ABHD8: variants seen among roughly 807,000 people sequenced by gnomAD.
ABHD8 encodes the protein protein ABHD8.
A neutral mutation model predicts 29.3 loss-of-function variants in ABHD8; 10 were observed. The ratio of observed to expected loss-of-function variants is 0.34; its 90% confidence interval spans 0.21 to 0.58. ABHD8 has a LOEUF of 0.58. ABHD8 is among the 20% of genes least tolerant of loss of function. ABHD8 has a pLI of 0.85. For missense variants in ABHD8, 556 were observed against 615.3 expected (o/e 0.90, Z 1.02); for synonymous variants, 282 against 274.6 (o/e 1.03, Z -0.27).
chr19:17,294,844 C>T lies in ABHD8; in HGVS notation c.763G>A (p.Val255Ile). 1.2e-6 allele frequency: 2 copies of T among 1,613,636 alleles called. No individual in the cohort carries two copies. The highest frequency in any genetic ancestry group is 1.7e-6 in the Non-Finnish European group (2 of 1,179,602). ...RNVLIGHSYGVSFCTFLAHEY... is the reference protein window; with the variant it reads ...RNVLIGHSYGISFCTFLAHEY... ...TGTGCCAGGAATGTGCAGAAAGAGA[C>T]ACTGCCCGGAACGGGTGGGGTGATA... The change falls in exon 3 of 5, where the codon GTC becomes ATC. Residue 255 changes from valine to isoleucine, a missense_variant and splice_region_variant. Around this residue, in one of 2 missense-constraint regions of ABHD8, gnomAD observed 270 missense variants for 353.9 expected, o/e 0.76. Coordinates refer to ENST00000247706, the MANE Select transcript of ABHD8 (RefSeq NM_024527.5).
chr19:17,298,781 C>G (rs2074104212), intron 2 of ABHD8, among the ~76,000 whole-genome samples: 1 of 115,446 alleles, frequency 8.7e-6, no homozygotes, highest in South Asian at 2.9e-4. Flanking sequence ...CACTCTGTTG[C>G]TCAGGCTGGA....
intron 2 of ABHD8, among the ~76,000 whole-genome samples, chr19:17,299,244 C>A (rs1026345756): frequency 1.4e-5 from 2 of 148,068 alleles, no homozygotes; most frequent in Non-Finnish European, 3.0e-5. Flanking sequence ...ACCCCCCCCC[C>A]ATTCTCTATA....
chr19:17,298,735 CTT>C (rs34731394), intron 2 of ABHD8, among the ~76,000 whole-genome samples: 104 of 70,460 alleles, frequency 1.5e-3, no homozygotes, highest in East Asian at 3.1e-3. Flanking sequence ...AACAACACTG[CTT>C]TTTTTTTTTT....
chr19:17,297,285 TG>T (rs2074097496), intron 2 of ABHD8, among the ~76,000 whole-genome samples: 1 of 151,966 alleles, frequency 6.6e-6, no homozygotes, highest in Admixed American at 6.6e-5. Context: ...TGTAGGTGGG[TG>T]TTTTTTTTGT....
chr19:17,301,580 G>C lies in ABHD8; in HGVS notation c.37C>G (p.Leu13Val). 6.3e-7 allele frequency: 1 copy of C among 1,588,308 alleles called. No individual in the cohort carries two copies. Among genetic ancestry groups the C allele is most frequent in the Admixed American group, 1.7e-5 (1 of 58,444 alleles). Residue 13 changes from leucine to valine, a missense_variant, in exon 2 of 5, where the codon CTG (leucine) becomes GTG (valine). Leu to Val is a conservative substitution (Grantham distance 32, BLOSUM62 1). Around this residue, in one of 2 missense-constraint regions of ABHD8, gnomAD observed 286 missense variants for 261.4 expected, o/e 1.09. Transcript: ENST00000247706. ...ACGGCGTTGGGGGGCGTGCCCAGCAGGCAACAGAAGATACCGTCGGTCACC... is the reference window on the plus strand; with the variant it reads ...ACGGCGTTGGGGGGCGTGCCCAGCACGCAACAGAAGATACCGTCGGTCACC... ...TGVTDGIFCCLLGTPPNAVGP... is the reference protein window; with the variant it reads ...TGVTDGIFCCVLGTPPNAVGP...
intron 2 of ABHD8, among the ~76,000 whole-genome samples, chr19:17,300,157 G>A (rs1461576903): frequency 6.6e-6 from 1 of 151,206 alleles, no homozygotes; most frequent in African/African-American, 2.4e-5. Context: ...GCCCGCCTCA[G>A]CCTCCCAAAG....
intron 1 of ABHD8, among the ~76,000 whole-genome samples, chr19:17,301,929 G>C (rs543954554): frequency 6.6e-6 from 1 of 152,244 alleles, no homozygotes; most frequent in East Asian, 1.9e-4. Flanking sequence ...GAGTAGCTGG[G>C]ATTATAGGCA....
In ABHD8 at chr19:17,301,375, C is replaced by G. The variant is rs778010815; in HGVS notation, c.242G>C (p.Arg81Pro). The change falls in exon 2 of 5, where the codon CGG (arginine) becomes CCG (proline). Residue 81 changes from arginine (R) to proline (P), a missense_variant. Physicochemically the swap from Arg to Pro is moderately radical, Grantham distance 103. Transcript: ENST00000247706. ...DLSGLVRCQR[R>P]ITVYRNGRLL... is the part of the protein sequence containing the mutation. ...CCGCCCATTGCGGTACACGGTGATCCGGCGCTGACAGCGGACCAAGCCGGA... is the reference window on the plus strand; with the variant it reads ...CCGCCCATTGCGGTACACGGTGATCGGGCGCTGACAGCGGACCAAGCCGGA... The G allele has an allele frequency of 1.9e-6, 3 of 1,611,106 alleles. No individual in the cohort carries two copies. The highest frequency in any genetic ancestry group is 1.7e-6 in the Non-Finnish European group (2 of 1,179,912).
At chr19:17,296,844 G>T (rs1268756611) in intron 2 of ABHD8, 1 of 152,040 alleles carries the variant, frequency 6.6e-6, no homozygotes, top group Non-Finnish European at 1.5e-5. Flanking sequence ...ACAGGCATCT[G>T]CCATTATGCC....
At position 17,294,601 on chromosome 19, in the gene ABHD8, C is replaced by G. The variant is rs983193074; in HGVS notation, c.932+74G>C. ...CCCTAGTCCCAGCGGTACAGTCCCC[C>G]CTCCCATCCAACTCGAGCAGATGCC... On this transcript the variant is annotated intron_variant, in intron 3 of 4. Transcript: ENST00000247706. 8.1e-6 allele frequency: 13 copies of G among 1,606,394 alleles called. No homozygotes were observed. In the African/African-American group the frequency reaches 1.6e-4, roughly 20 times the overall value.
In ABHD8 at chr19:17,294,782, G is replaced by A. The variant is rs1214619474; in HGVS notation, c.825C>T (p.Ile275=). 1 of 1,614,130 alleles carries A rather than the reference G, an allele frequency of 6.2e-7. No homozygotes were observed. Among genetic ancestry groups the A allele is most frequent in the Non-Finnish European group, 8.5e-7 (1 of 1,180,054 alleles). Reference sequence around the variant, plus strand: ...CCAGCGCCGTAGGGCCCCCGCCATTGATCATGATCACCTTGTGCACTAGGT... The same window carrying A: ...CCAGCGCCGTAGGGCCCCCGCCATTAATCATGATCACCTTGTGCACTAGGT... The part of the protein sequence containing the change: ...YPDLVHKVIM[I]NGGGPTALEP... The change falls in exon 3 of 5, where the codon ATC becomes ATT. Residue 275 remains isoleucine (I), a synonymous_variant. Transcript: ENST00000247706.
intron 4 of ABHD8, among the ~76,000 whole-genome samples, chr19:17,293,136 C>T (rs893046239): frequency 4.1e-5 from 6 of 147,804 alleles, no homozygotes; most frequent in African/African-American, 7.5e-5. Context: ...TGCTCTGTCA[C>T]CCAGGCTGGA....
Position 17,301,562 on chromosome 19 carries a change from TG to T in ABHD8, c.54del (p.Asn19ThrfsTer18), listed in dbSNP as rs761619410. 1.3e-6 allele frequency: 2 copies of T among 1,599,298 alleles called. No homozygotes were observed. Among genetic ancestry groups the T allele is most frequent in the South Asian group, 1.1e-5 (1 of 90,152 alleles). On this transcript the variant is annotated frameshift_variant, in exon 2 of 5. Transcript: ENST00000247706. LOFTEE classifies it high-confidence loss of function. ...ACGCTCTCCAGTGGCCCCACGGCGT[TG>T]GGGGGCGTGCCCAGCAGGCAACAGA... Reference protein sequence around the residue: ...GIFCCLLGTPPNAVGPLESVE... With the variant: ...GIFCCLLGTPXNAVGPLESVE...
Position 17,301,009 on chromosome 19 carries a change from T to C in ABHD8, c.608A>G (p.Tyr203Cys), listed in dbSNP as rs1165886987. ...GGCCAGGTCAGGAGCCACCACCTCA[T>C]AGCCTAGGCGCACAAAGAAGTCCAG... Reference protein sequence around the residue: ...EQLDFFVRLGYEVVAPDLAGH... With the variant: ...EQLDFFVRLGCEVVAPDLAGH... Residue 203 changes from tyrosine (Y) to cysteine (C), a missense_variant, in exon 2 of 5, where the codon TAT (tyrosine) becomes TGT (cysteine). Transcript: ENST00000247706. The C allele has an allele frequency of 6.2e-7, 1 of 1,613,424 alleles. No homozygotes were observed. Among genetic ancestry groups the C allele is most frequent in the Non-Finnish European group, 8.5e-7 (1 of 1,179,998 alleles).
intron 2 of ABHD8, 44 bp downstream of exon 2, chr19:17,300,812 G>C: frequency 1.9e-6 from 3 of 1,542,326 alleles, no homozygotes; most frequent in Non-Finnish European, 2.6e-6. Flanking sequence ...AGTCCCTGCT[G>C]ACCCCATCCC....
chr19:17,301,263 C>A lies in ABHD8; in HGVS notation c.354G>T (p.Glu118Asp). The A allele has an allele frequency of 6.2e-7, 1 of 1,602,646 alleles. No individual in the cohort carries two copies. The highest frequency in any genetic ancestry group is 8.5e-7 in the Non-Finnish European group (1 of 1,177,688). Residue 118 changes from glutamate (E) to aspartate (D), a missense_variant, in exon 2 of 5, where the codon GAG (glutamate) becomes GAT (aspartate). Glu to Asp is a conservative substitution (Grantham distance 45). Around this residue, in one of 2 missense-constraint regions of ABHD8, gnomAD observed 286 missense variants for 261.4 expected, o/e 1.09. Coordinates refer to ENST00000247706, the MANE Select transcript of ABHD8 (RefSeq NM_024527.5). ...TGCCCGCCGGATCTGCCAGCTCCACCTCCAGGGCGGCCGGCGGCTCCCCAG... is the reference window on the plus strand; with the variant it reads ...TGCCCGCCGGATCTGCCAGCTCCACATCCAGGGCGGCCGGCGGCTCCCCAG... ...NGSGEPPAAL[E>D]VELADPAGSD...
At chr19:17,294,195 C>G in intron 4 of ABHD8, 93 bp downstream of exon 4, 1 of 1,444,320 alleles carries the variant, frequency 6.9e-7, no homozygotes, top group Non-Finnish European at 9.2e-7. Context: ...AGCACGCCCA[C>G]CAAGCGCTAC....
chr19:17,294,877 T>C (rs1413941392), intron 2 of ABHD8, 32 bp from the exon 3 acceptor site: 1 of 1,604,858 alleles, frequency 6.2e-7, no homozygotes. Flanking sequence ...ATAGGAGGAT[T>C]GAAGGGAGGC....
chr19:17,301,244 C>A lies in ABHD8; in HGVS notation c.373G>T (p.Ala125Ser). ...AALEVELADP[A>S]GSDGRLAPGS... ...GGGGCCAAGCGGCCATCGCTGCCCG[C>A]CGGATCTGCCAGCTCCACCTCCAGG... The change falls in exon 2 of 5, where the codon GCG becomes TCG. Residue 125 changes from alanine to serine, a missense_variant. Ala to Ser is a moderately conservative substitution (Grantham distance 99). Coordinates refer to ENST00000247706, the MANE Select transcript of ABHD8 (RefSeq NM_024527.5). The A allele has an allele frequency of 6.3e-7, 1 of 1,595,048 alleles. No individual in the cohort carries two copies. The highest frequency in any genetic ancestry group is 8.5e-7 in the Non-Finnish European group (1 of 1,174,046).
Sources: gnomAD v4.1 joint callset for allele counts (sites outside exome capture counted in the v4.1 genomes callset) on GRCh38, gnomAD v4.1.1 for gene constraint, gnomAD v4.1.1 regional missense constraint, MANE v1.5 for transcripts, NCBI Gene and HGNC (gene_info 2026-07-23, HGNC 2026-07-21) for gene names.